Variants in DIP2B observed in about 807,000 individuals in gnomAD.
DIP2B encodes DIP2 acetate--CoA ligase B (putative).
A neutral mutation model predicts 198.0 loss-of-function variants in DIP2B; 76 were observed. The ratio of observed to expected loss-of-function variants is 0.38; its 90% CI spans 0.32 to 0.46. The LOEUF (loss-of-function observed/expected upper bound fraction) is 0.46, where lower values mean the gene tolerates loss of function less well. Ranked by LOEUF, DIP2B falls within the 20% of genes least tolerant of loss-of-function variation. DIP2B has a pLI of 0.99. For missense variants in DIP2B, 1,559 were observed against 1,978.4 expected, an observed-to-expected ratio of 0.79 and a Z score of 4.02; for synonymous variants, 701 against 739.1, an observed-to-expected ratio of 0.95 and a Z score of 0.84.
At chr12:50,710,591 T>C (rs1316124670) in intron 22 of DIP2B, among the ~76,000 whole-genome samples, 1 of 152,090 alleles carries the variant, frequency 6.6e-6, no homozygotes, top group Non-Finnish European at 1.5e-5. Context: ...GCCCAGCTAA[T>C]TTTTTGTATT....
chr12:50,637,081 G>A (rs1220480248), intron 2 of DIP2B, among the ~76,000 whole-genome samples: 2 of 152,116 alleles, frequency 1.3e-5, no homozygotes, highest in Non-Finnish European at 2.9e-5. Flanking sequence ...AGCCTTCTTG[G>A]ATGGGGTGGG....
chr12:50,743,828 G>A (rs1292562969), intron 37 of DIP2B: 1 of 152,196 alleles, frequency 6.6e-6, no homozygotes, highest in Admixed American at 6.5e-5. Context: ...TCTCAGGAAA[G>A]GTAGAAACAA....
chr12:50,665,436 C>CCA (rs1938733354), intron 4 of DIP2B, among the ~76,000 whole-genome samples: 1 of 152,086 alleles, frequency 6.6e-6, no homozygotes, highest in East Asian at 1.9e-4. Context: ...ACTGAAGTGT[C>CCA]ATGTTTATTT....
intron 1 of DIP2B, among the ~76,000 whole-genome samples, chr12:50,536,821 G>A (rs1168432536): frequency 4.0e-5 from 6 of 151,448 alleles, no homozygotes; most frequent in African/African-American, 7.3e-5. Flanking sequence ...TGCCTGCCTC[G>A]GCCTCCCAAA....
intron 3 of DIP2B, 103 bp from the exon 4 acceptor site, chr12:50,660,091 T>C (rs1938619221): frequency 2.4e-5 from 5 of 205,046 alleles, no homozygotes; most frequent in Non-Finnish European, 4.1e-5. Context: ...CCCCTTTACC[T>C]TTTTTTTTTT....
At chr12:50,725,969 C>T (rs1272918136) in intron 28 of DIP2B, among the ~76,000 whole-genome samples, 1 of 151,650 alleles carries the variant, frequency 6.6e-6, no homozygotes, top group Non-Finnish European at 1.5e-5. Flanking sequence ...AGGATAGAAG[C>T]ACAGTTATAT....
intron 10 of DIP2B, among the ~76,000 whole-genome samples, chr12:50,685,531 TG>T (rs1236336963): frequency 6.6e-6 from 1 of 152,234 alleles, no homozygotes; most frequent in African/African-American, 2.4e-5. Flanking sequence ...TTTAATTTGC[TG>T]GAAACTAATC....
chr12:50,658,021 C>G (rs1007847871), intron 3 of DIP2B, among the ~76,000 whole-genome samples: 1 of 148,844 alleles, frequency 6.7e-6, no homozygotes, highest in Non-Finnish European at 1.5e-5. Flanking sequence ...GAGACTGAGG[C>G]GGGTGGATCG....
intron 2 of DIP2B, among the ~76,000 whole-genome samples, chr12:50,628,480 T>C (rs1432452730): frequency 6.6e-6 from 1 of 152,242 alleles, no homozygotes; most frequent in African/African-American, 2.4e-5. Context: ...TTCTAAATGC[T>C]GTAATAAAGA....
intron 7 of DIP2B, among the ~76,000 whole-genome samples, chr12:50,676,980 C>A (rs180883502): frequency 6.6e-6 from 1 of 152,124 alleles, no homozygotes; most frequent in East Asian, 1.9e-4. Context: ...ATGAATGTTA[C>A]GTTAGTAGAA....
intron 2 of DIP2B, among the ~76,000 whole-genome samples, chr12:50,627,503 A>AT (rs1263411466): frequency 6.6e-6 from 1 of 152,022 alleles, no homozygotes; most frequent in African/African-American, 2.4e-5. Context: ...CCAGTTAATT[A>AT]TTTTTTGTAG....
At chr12:50,739,125 A>C (rs572760501) in intron 35 of DIP2B, among the ~76,000 whole-genome samples, 1 of 152,258 alleles carries the variant, frequency 6.6e-6, no homozygotes, top group African/African-American at 2.4e-5. Context: ...CATGGGTGCG[A>C]GTCTCCTCAT....
At chr12:50,653,346 C>CTTTTTTTTTTTTTTTTTTTTTT (rs34185073) in intron 3 of DIP2B, among the ~76,000 whole-genome samples, 21 of 76,624 alleles carry the variant, frequency 2.7e-4, no homozygotes, top group South Asian at 4.5e-4. Context: ...TTTTTCTTTT[C>CTTTTTTTTTTTTTTTTTTTTTT]TTTTTTTTTT....
intron 1 of DIP2B, among the ~76,000 whole-genome samples, chr12:50,621,590 C>T (rs1007898603): frequency 2.0e-5 from 3 of 152,178 alleles, no homozygotes; most frequent in Non-Finnish European, 4.4e-5. Context: ...CAATCCCTGC[C>T]CTCAAGTGCA....
intron 1 of DIP2B, among the ~76,000 whole-genome samples, chr12:50,600,141 CAAGTAAAT>C (rs948074357): frequency 1.3e-5 from 2 of 152,120 alleles, no homozygotes; most frequent in Admixed American, 1.3e-4. Flanking sequence ...GAGTAGGAGA[CAAGTAAAT>C]TCAAGAATCA....
intron 1 of DIP2B, among the ~76,000 whole-genome samples, chr12:50,525,781 G>A (rs1022178250): frequency 1.3e-5 from 2 of 152,180 alleles, no homozygotes; most frequent in African/African-American, 2.4e-5. Context: ...CCAAAGTGCC[G>A]GGGTTGCAGG....
Position 50,647,350 on chromosome 12 carries a change from T to G in DIP2B, c.301+6498T>G, listed in dbSNP as rs939453861. On this transcript the variant is annotated intron_variant, in intron 3 of 37. Transcript: ENST00000301180. ...AAGGCATACAGTGTCAAGAATGGGC[T>G]TCAGAATGGAGGTGGTGATGTCTGA... Among the ~76,000 whole-genome samples the G allele has an allele frequency of 6.6e-5, 10 of 152,166 alleles. No individual in the cohort carries two copies. In the South Asian group the frequency reaches 2.1e-3, roughly 32 times the overall value.
At chr12:50,684,571 C>T (rs1365958911) in intron 10 of DIP2B, among the ~76,000 whole-genome samples, 1 of 152,146 alleles carries the variant, frequency 6.6e-6, no homozygotes, top group East Asian at 1.9e-4. Flanking sequence ...GTGGGTGGAT[C>T]ACCTGAGGTC....
chr12:50,569,568 T>G (rs1478019474), intron 1 of DIP2B, among the ~76,000 whole-genome samples: 1 of 152,186 alleles, frequency 6.6e-6, no homozygotes, highest in Non-Finnish European at 1.5e-5. Context: ...AGGGAGGCTC[T>G]AAGGGATGGC....
Sources: gnomAD v4.1 joint callset for allele counts (sites outside exome capture counted in the v4.1 genomes callset) on GRCh38, gnomAD v4.1.1 for gene constraint, MANE v1.5 for transcripts, NCBI Gene and HGNC (gene_info 2026-07-23, HGNC 2026-07-21) for gene names.